The following CDC42SE2 variants were observed in gnomAD, a reference collection of about 807,000 sequenced individuals.
CDC42SE2 encodes the protein CDC42 small effector 2, also known as CDC42 small effector protein 2.
A neutral mutation model predicts 11.5 loss-of-function variants in CDC42SE2; 3 were observed. The observed-to-expected ratio is 0.26, with a 90% CI of 0.12 to 0.67. The LOEUF (loss-of-function observed/expected upper bound fraction) is 0.67. Ranked by LOEUF, CDC42SE2 falls within the 30% of genes least tolerant of loss-of-function variation. The probability of loss-of-function intolerance (pLI) is 0.80; values close to 1 mark genes in which losing one functional copy is unlikely to be tolerated. For missense variants in CDC42SE2, 82 were observed against 106.8 expected, an observed-to-expected ratio of 0.77 and a Z score of 1.02; for synonymous variants, 33 against 34.8, an observed-to-expected ratio of 0.95 and a Z score of 0.18.
chr5:131,285,284 G>A (rs781160304), intron 1 of CDC42SE2, among the ~76,000 whole-genome samples: 17 of 151,758 alleles, frequency 1.1e-4, no homozygotes, highest in Non-Finnish European at 1.5e-4. Flanking sequence ...TGCTCCCCCC[G>A]CCCCAAAATA....
At chr5:131,351,438 C>T (rs547958893) in intron 2 of CDC42SE2, among the ~76,000 whole-genome samples, 2 of 152,108 alleles carry the variant, frequency 1.3e-5, no homozygotes, top group Admixed American at 6.6e-5. Context: ...GTATTTTTAG[C>T]AGAGACGGGG....
upstream of CDC42SE2, among the ~76,000 whole-genome samples, chr5:131,262,630 C>G (rs574209721): frequency 6.6e-6 from 1 of 152,092 alleles, no homozygotes; most frequent in Non-Finnish European, 1.5e-5. Flanking sequence ...GGACCACGAC[C>G]AGTACCAAAA....
chr5:131,267,289 C>CCATCCATGATGGT (rs1434494709), intron 1 of CDC42SE2, among the ~76,000 whole-genome samples: 1 of 151,934 alleles, frequency 6.6e-6, no homozygotes, highest in Non-Finnish European at 1.5e-5. Context: ...GGTCTCTTGA[C>CCATCCATGATGGT]CTCGTGATCT....
At chr5:131,350,806 A>G (rs1758990003) in intron 2 of CDC42SE2, among the ~76,000 whole-genome samples, 1 of 152,142 alleles carries the variant, frequency 6.6e-6, no homozygotes, top group East Asian at 1.9e-4. Flanking sequence ...AGCAATTTTG[A>G]AAAAGAGTAT....
intron 1 of CDC42SE2, among the ~76,000 whole-genome samples, chr5:131,276,897 T>A (rs1757113409): frequency 6.6e-6 from 1 of 151,990 alleles, no homozygotes; most frequent in Non-Finnish European, 1.5e-5. Flanking sequence ...CCAGCTAATT[T>A]TTTTATTTTT....
the CDC42SE2 span, among the ~76,000 whole-genome samples, chr5:131,234,929 G>A: frequency 2.4e-4 from 34 of 140,814 alleles, no homozygotes; most frequent in Admixed American, 5.9e-4. Context: ...TCACTCTGTC[G>A]CCCGGCTATA....
intron 1 of CDC42SE2, among the ~76,000 whole-genome samples, chr5:131,307,807 C>T (rs1757811295): frequency 6.6e-6 from 1 of 152,218 alleles, no homozygotes; most frequent in Non-Finnish European, 1.5e-5. Flanking sequence ...TTGCATTTCT[C>T]TGATGGCCAG....
the CDC42SE2 span, among the ~76,000 whole-genome samples, chr5:131,227,635 G>A: frequency 2.0e-5 from 3 of 152,154 alleles, no homozygotes; most frequent in South Asian, 2.1e-4. Context: ...TTCTTACCAA[G>A]TATAAAAACG....
At chr5:131,331,513 A>G (rs1030437735) in intron 2 of CDC42SE2, among the ~76,000 whole-genome samples, 3 of 152,234 alleles carry the variant, frequency 2.0e-5, no homozygotes, top group African/African-American at 7.2e-5. Flanking sequence ...GCTTAGGATT[A>G]CAAAAATTAA....
chr5:131,318,262 TAGAG>T lies in CDC42SE2; in HGVS notation c.-286+2120_-286+2123del, dbSNP rs1321899985. Among the ~76,000 whole-genome samples, 5 of 152,174 alleles carry T rather than the reference TAGAG, an allele frequency of 3.3e-5. No individual in the cohort carries two copies. The South Asian group carries it at 8.3e-4, about 25-fold the overall frequency. On this transcript the variant is annotated intron_variant, in intron 2 of 4. Coordinates refer to ENST00000505065, the MANE Select transcript of CDC42SE2 (RefSeq NM_001375635.1). ...CCAGGAGAATAACTTTTTAAGAAGATAGAGAAAGTTGTATGATGCACTTTACCCA... is the reference window on the plus strand; with the variant it reads ...CCAGGAGAATAACTTTTTAAGAAGATAAAGTTGTATGATGCACTTTACCCA...
chr5:131,366,956 G>A (rs1344698240), intron 3 of CDC42SE2, among the ~76,000 whole-genome samples: 2 of 151,978 alleles, frequency 1.3e-5, no homozygotes, highest in Non-Finnish European at 2.9e-5. Context: ...TGAGCTGGGA[G>A]GTTGAAGCTG....
chr5:131,367,112 GTGTGTGTATATCATATACATA>G (rs1561431265), intron 3 of CDC42SE2, among the ~76,000 whole-genome samples: 1 of 151,306 alleles, frequency 6.6e-6, no homozygotes, highest in Non-Finnish European at 1.5e-5. Flanking sequence ...ATATATGTGT[GTGTGTGTATATCATATACATA>G]TGTGTGTATA....
chr5:131,384,224 TGACAATATAAAC>T (rs1750408194), intron 3 of CDC42SE2, among the ~76,000 whole-genome samples: 1 of 152,226 alleles, frequency 6.6e-6, no homozygotes, highest in African/African-American at 2.4e-5. Context: ...TTTCTATCTA[TGACAATATAAAC>T]GAGAGGACAG....
chr5:131,343,819 A>G (rs1037191768), intron 2 of CDC42SE2, among the ~76,000 whole-genome samples: 1 of 152,100 alleles, frequency 6.6e-6, no homozygotes, highest in South Asian at 2.1e-4. Flanking sequence ...AAAGATGAAC[A>G]TGGCAGTTAC....
chr5:131,263,902 T>A (rs1291933511), upstream of CDC42SE2: 1 of 152,008 alleles, frequency 6.6e-6, no homozygotes, highest in Non-Finnish European at 1.5e-5. Flanking sequence ...ATGCCGGAGG[T>A]ACGGCGGGGG....
chr5:131,392,482 T>C lies in CDC42SE2; in HGVS notation c.*1391T>C, dbSNP rs1750690070. 1 of 152,530 alleles carries C rather than the reference T, an allele frequency of 6.6e-6. No individual in the cohort carries two copies. The highest frequency in any genetic ancestry group is 1.5e-5 in the Non-Finnish European group (1 of 68,034). The allele number at this position is 152,530 out of a possible 1,614,324, so 9.4% of individuals were successfully genotyped here. A position where few individuals can be genotyped will look rare whatever the true frequency, so the allele number is the denominator to read the frequency against. On this transcript the variant is annotated 3_prime_UTR_variant, in exon 5 of 5. Transcript: ENST00000505065. Reference sequence around the variant, plus strand: ...GTCACATCATTTTCATAGAAAAAGATTACTTGTAGCTTATTTTAGAAGTAT... The same window carrying C: ...GTCACATCATTTTCATAGAAAAAGACTACTTGTAGCTTATTTTAGAAGTAT...
At chr5:131,254,504 T>C (rs1483415264) in intron 1 of CDC42SE2, among the ~76,000 whole-genome samples, 1 of 148,638 alleles carries the variant, frequency 6.7e-6, no homozygotes, top group Non-Finnish European at 1.5e-5. Flanking sequence ...ATGGCGCCAC[T>C]GCACTCCAGC....
chr5:131,386,225 C>A (rs943510863), intron 4 of CDC42SE2, among the ~76,000 whole-genome samples: 1 of 152,146 alleles, frequency 6.6e-6, no homozygotes, highest in Non-Finnish European at 1.5e-5. Flanking sequence ...ATGTGCAGTT[C>A]GCAATAGGGT....
intron 3 of CDC42SE2, among the ~76,000 whole-genome samples, chr5:131,370,900 T>A (rs1016806001): frequency 6.6e-6 from 1 of 152,088 alleles, no homozygotes; most frequent in Non-Finnish European, 1.5e-5. Context: ...TTAGTGAGGA[T>A]TGGGTTCTGA....
Sources: gnomAD v4.1 joint callset for allele counts (sites outside exome capture counted in the v4.1 genomes callset) on GRCh38, gnomAD v4.1.1 for gene constraint, MANE v1.5 for transcripts, NCBI Gene and HGNC (gene_info 2026-07-23, HGNC 2026-07-21) for gene names.